Variants in KDM3B observed in about 807,000 individuals in gnomAD.
KDM3B encodes the protein lysine-specific demethylase 3B.
In KDM3B, 10 loss-of-function variants were observed where a neutral mutation model predicts 170.0. The observed-to-expected ratio is 0.06, with a 90% CI of 0.04 to 0.10. The LOEUF (loss-of-function observed/expected upper bound fraction) is 0.10. Among genes scored for constraint, KDM3B ranks in the 10% least tolerant of loss-of-function variants. The pLI is 1.00. For synonymous variants in KDM3B, 831 were observed against 834.8 expected (o/e 1.00, Z 0.08); for missense variants, 1,394 against 2,195.2 (o/e 0.64, Z 7.29).
intron 4 of KDM3B, 149 bp from the exon 5 acceptor site, chr5:138,379,434 TA>T: frequency 1.7e-6 from 1 of 581,368 alleles, no homozygotes; most frequent in Non-Finnish European, 2.8e-6. Flanking sequence ...CTCAGTATGG[TA>T]AATCTGGAAT....
At chr5:138,421,260 C>T (rs1763266057) in intron 15 of KDM3B, among the ~76,000 whole-genome samples, 1 of 152,122 alleles carries the variant, frequency 6.6e-6, no homozygotes, top group Non-Finnish European at 1.5e-5. Context: ...CTGGACAGTA[C>T]ATTTGTATTG....
At chr5:138,418,889 T>C in intron 13 of KDM3B, 64 bp from the exon 14 acceptor site, 6 of 1,478,940 alleles carry the variant, frequency 4.1e-6, no homozygotes, top group Non-Finnish European at 5.6e-6. Context: ...GTGAAGCCAT[T>C]ACTAGTTGTA....
rs747075429 is a variant in KDM3B at position 138,386,397 on chromosome 5, T to C, written c.1156T>C (p.Ser386Pro). 2.3e-5 allele frequency: 37 copies of C among 1,614,180 alleles called. No homozygotes were observed. Among genetic ancestry groups the C allele is most frequent in the Non-Finnish European group, 3.1e-5 (37 of 1,180,040 alleles). The part of the protein sequence containing the change: ...GDTPASFTPY[S>P]TATGQTPLAP... Reference sequence around the variant, plus strand: ...CACACCTGCATCTTTCACTCCATATTCTACAGCCACAGGTCAGACACCTTT... The same window carrying C: ...CACACCTGCATCTTTCACTCCATATCCTACAGCCACAGGTCAGACACCTTT... The change falls in exon 7 of 24, where the codon TCT becomes CCT. Residue 386 changes from serine to proline, a missense_variant. Transcript: ENST00000314358.
At position 138,417,806 on chromosome 5, in the gene KDM3B, T is replaced by C. The variant is rs1763141435; in HGVS notation, c.3435+196T>C. The C allele has an allele frequency of 2.2e-5, 12 of 536,202 alleles. No individual in the cohort carries two copies. In the South Asian group the frequency reaches 2.7e-4, roughly 12 times the overall value. 33.2% of individuals were successfully genotyped at this position (536,202 alleles called of 1,614,324 possible). Reference sequence around the variant, plus strand: ...TACCCCTGATTGGTACAGTTTCTCTTCATCTTTAAACCAGTTCATGGTTGA... The same window carrying C: ...TACCCCTGATTGGTACAGTTTCTCTCCATCTTTAAACCAGTTCATGGTTGA... On this transcript the variant is annotated intron_variant, in intron 13 of 23. Transcript: ENST00000314358.
chr5:138,386,606 G>T lies in KDM3B; in HGVS notation c.1365G>T (p.Ser455=). 6.2e-7 allele frequency: 1 copy of T among 1,612,292 alleles called. No homozygotes were observed. Among genetic ancestry groups the T allele is most frequent in the South Asian group, 1.1e-5 (1 of 91,050 alleles). The change falls in exon 7 of 24, where the codon TCG becomes TCT. Residue 455 remains serine, a synonymous_variant. Coordinates refer to ENST00000314358, the MANE Select transcript of KDM3B (RefSeq NM_016604.4). ...CAGAAAAACAGAAAGGCAGCCGGTCGCAGGCCTCGGGAGAGGTGAGTTACT... is the reference window on the plus strand; with the variant it reads ...CAGAAAAACAGAAAGGCAGCCGGTCTCAGGCCTCGGGAGAGGTGAGTTACT... ...TVPEKQKGSR[S]QASGENSRNS... is the part of the protein sequence containing the mutation.
Position 138,428,204 on chromosome 5 carries a change from T to TG in KDM3B, c.4753+119dup. The TG allele has an allele frequency of 6.5e-6, 7 of 1,071,970 alleles. No individual in the cohort carries two copies. The South Asian group carries it at 1.0e-4, about 16-fold the overall frequency. The allele number at this position is 1,071,970 out of a possible 1,614,324, so 66.4% of individuals were successfully genotyped here. A position where few individuals can be genotyped will look rare whatever the true frequency, so the allele number is the denominator to read the frequency against. ...CTTTTTTTTTTCTTTTTCTTTTTTC[T>TG]GTTTTTTTTTTTGGGGGGCGGGGAG... On this transcript the variant is annotated intron_variant, in intron 20 of 23. Transcript: ENST00000314358.
chr5:138,436,056 G>T lies in KDM3B; in HGVS notation c.*356G>T. The T allele has an allele frequency of 3.9e-6, 1 of 254,832 alleles. No individual in the cohort carries two copies. Among genetic ancestry groups the T allele is most frequent in the Non-Finnish European group, 7.6e-6 (1 of 131,068 alleles). The allele number at this position is 254,832 out of a possible 1,614,324, so 15.8% of individuals were successfully genotyped here. On this transcript the variant is annotated 3_prime_UTR_variant, in exon 24 of 24. Transcript: ENST00000314358. Reference sequence around the variant, plus strand: ...CTTTTCCTCTTGTGCCTAGTTAAGTGGAAATGTGTTTGGAGATAGGGGAAA... The same window carrying T: ...CTTTTCCTCTTGTGCCTAGTTAAGTTGAAATGTGTTTGGAGATAGGGGAAA...
chr5:138,358,439 A>G (rs916559442), intron 1 of KDM3B, among the ~76,000 whole-genome samples: 1 of 149,894 alleles, frequency 6.7e-6, no homozygotes, highest in African/African-American at 2.5e-5. Context: ...AGTAGCTGAG[A>G]TTACAGGCGT....
chr5:138,391,263 CAG>C lies in KDM3B; in HGVS notation c.1636_1637del (p.Ser546PhefsTer3). ...ACCAGTAACTACTTCACTACTGTTT[CAG>C]AGAGTTTGGCTGATGATTCTTCTAG... On this transcript the variant is annotated frameshift_variant, in exon 8 of 24. Transcript: ENST00000314358. LOFTEE classifies it high-confidence loss of function. The surrounding 1 kb of genome is among the most constrained non-coding windows in gnomAD (Gnocchi z 5.0). 1 of 1,614,184 alleles carries C rather than the reference CAG, an allele frequency of 6.2e-7. No homozygotes were observed. Among genetic ancestry groups the C allele is most frequent in the Non-Finnish European group, 8.5e-7 (1 of 1,180,040 alleles).
chr5:138,435,542 C>T (rs1174005769), intron 23 of KDM3B, 78 bp from the exon 24 acceptor site: 1 of 1,145,592 alleles, frequency 8.7e-7, no homozygotes, highest in Non-Finnish European at 1.3e-6. Context: ...CCCACTAAAC[C>T]AGTAGGCTTA....
At chr5:138,363,768 G>A (rs897984679) in intron 1 of KDM3B, among the ~76,000 whole-genome samples, 1 of 152,026 alleles carries the variant, frequency 6.6e-6, no homozygotes, top group Non-Finnish European at 1.5e-5. Context: ...GGATGGCCTC[G>A]ATCTCCTGAC....
intron 17 of KDM3B, chr5:138,425,799 A>G: frequency 2.5e-6 from 1 of 407,222 alleles, no homozygotes; most frequent in Non-Finnish European, 4.4e-6. Context: ...TGGGGTCAGG[A>G]GTTCAAGACC....
At position 138,417,496 on chromosome 5, in the gene KDM3B, T is replaced by C; in HGVS notation, c.3321T>C (p.Ile1107=). 6.2e-7 allele frequency: 1 copy of C among 1,614,166 alleles called. No individual in the cohort carries two copies. The highest frequency in any genetic ancestry group is 8.5e-7 in the Non-Finnish European group (1 of 1,179,996). Residue 1107 remains isoleucine, a synonymous_variant, in exon 13 of 24, where the codon ATT becomes ATC. Coordinates refer to ENST00000314358, the MANE Select transcript of KDM3B (RefSeq NM_016604.4). ...QIIPGTALYN[I]GDMVHAARGK... ...TTTTTTTCCCAGCTCTTTACAATAT[T>C]GGAGACATGGTACATGCTGCCCGGG...
intron 1 of KDM3B, among the ~76,000 whole-genome samples, chr5:138,362,435 GTTC>G (rs1761632893): frequency 6.6e-6 from 1 of 151,882 alleles, no homozygotes; most frequent in South Asian, 2.1e-4. Context: ...GCTGTCACCT[GTTC>G]TTCTGAGGGC....
chr5:138,356,264 A>G (rs1215148451), intron 1 of KDM3B, among the ~76,000 whole-genome samples: 1 of 152,198 alleles, frequency 6.6e-6, no homozygotes, highest in Non-Finnish European at 1.5e-5. Context: ...TGGTTCGGTT[A>G]AGAAGTATAT....
intron 14 of KDM3B, 97 bp from the exon 15 acceptor site, chr5:138,420,609 A>T: frequency 7.4e-7 from 1 of 1,343,450 alleles, no homozygotes; most frequent in Non-Finnish European, 1.0e-6. Flanking sequence ...AAAGGAGAGA[A>T]TCTTTCCTCC....
intron 9 of KDM3B, among the ~76,000 whole-genome samples, chr5:138,394,108 G>A (rs1293376078): frequency 1.3e-5 from 2 of 152,042 alleles, no homozygotes; most frequent in Non-Finnish European, 2.9e-5. Context: ...AGGAAAAAAG[G>A]CCAAGCATGA....
chr5:138,417,740 T>G, intron 13 of KDM3B, 130 bp downstream of exon 13: 3 of 886,872 alleles, frequency 3.4e-6, no homozygotes. Flanking sequence ...GAGAAGCCTT[T>G]CTAGAGAGAG....
chr5:138,360,849 C>T (rs1761589923), intron 1 of KDM3B, among the ~76,000 whole-genome samples: 1 of 152,160 alleles, frequency 6.6e-6, no homozygotes, highest in African/African-American at 2.4e-5. Context: ...GCCTTGGCCT[C>T]CCAAAGTGCT....
Sources: gnomAD v4.1 joint callset for allele counts (sites outside exome capture counted in the v4.1 genomes callset) on GRCh38, gnomAD v4.1.1 for gene constraint, Gnocchi (gnomAD v3.1) non-coding constraint, MANE v1.5 for transcripts, NCBI Gene and HGNC (gene_info 2026-07-23, HGNC 2026-07-21) for gene names.